CDADC1: variants seen among roughly 807,000 people sequenced by gnomAD.
The protein encoded by CDADC1 is dCTP deaminase.
Under a neutral mutation model 54.9 loss-of-function variants are expected in CDADC1, and 39 were observed. The ratio of observed to expected loss-of-function variants is 0.71; its 90% CI spans 0.55 to 0.93. The LOEUF is 0.93. CDADC1 is among the 40% of genes least tolerant of loss of function. CDADC1 has a pLI of 0.00. For synonymous variants in CDADC1, 186 were observed against 204.0 expected (o/e 0.91, Z 0.75); for missense variants, 518 against 618.8 (o/e 0.84, Z 1.73).
chr13:49,265,007 C>T (rs1355965702), intron 4 of CDADC1, among the ~76,000 whole-genome samples: 1 of 152,126 alleles, frequency 6.6e-6, no homozygotes, highest in African/African-American at 2.4e-5. Flanking sequence ...ATTCTAGAGC[C>T]TGTGCTATAT....
At chr13:49,268,154 A>G in intron 5 of CDADC1, 95 bp downstream of exon 5, 1 of 988,736 alleles carries the variant, frequency 1.0e-6, no homozygotes, top group Non-Finnish European at 1.5e-6. Context: ...ATTTACTCAT[A>G]GTTACTTAAG....
At chr13:49,289,713 A>G (rs1201695207) in intron 9 of CDADC1, among the ~76,000 whole-genome samples, 7 of 152,170 alleles carry the variant, frequency 4.6e-5, no homozygotes, top group African/African-American at 1.7e-4. Flanking sequence ...TTATGATACC[A>G]TTTCTGTATA....
chr13:49,248,031 G>C lies in CDADC1; in HGVS notation c.-7G>C. 1 of 1,552,406 alleles carries C rather than the reference G, an allele frequency of 6.4e-7. No individual in the cohort carries two copies. The highest frequency in any genetic ancestry group is 8.7e-7 in the Non-Finnish European group (1 of 1,147,432). On this transcript the variant is annotated 5_prime_UTR_variant, in exon 1 of 10. Coordinates refer to ENST00000251108, the MANE Select transcript of CDADC1 (RefSeq NM_030911.4). ...TTTCCTTGGCAGCAGAGGACGCTAG[G>C]TTTGGGATGAAAGAAGCTGGGCAGA...
intron 2 of CDADC1, among the ~76,000 whole-genome samples, chr13:49,250,534 C>T (rs1034462298): frequency 3.9e-5 from 6 of 152,074 alleles, no homozygotes; most frequent in Non-Finnish European, 8.8e-5. Flanking sequence ...TTTGCCCAAG[C>T]CAAGGAACTC....
At chr13:49,267,175 A>C (rs1952835151) in intron 4 of CDADC1, among the ~76,000 whole-genome samples, 1 of 152,150 alleles carries the variant, frequency 6.6e-6, no homozygotes, top group Admixed American at 6.6e-5. Flanking sequence ...TGTTTCAATA[A>C]AGGTTTATTT....
At chr13:49,286,101 A>G in intron 8 of CDADC1, 121 bp from the exon 9 acceptor site, 2 of 775,648 alleles carry the variant, frequency 2.6e-6, no homozygotes, top group East Asian at 5.3e-5. Flanking sequence ...GGTGTGACCC[A>G]CTATGCCCAG....
intron 6 of CDADC1, 128 bp downstream of exon 6, chr13:49,274,468 C>G (rs1953048226): frequency 8.6e-6 from 5 of 583,548 alleles, no homozygotes; most frequent in African/African-American, 3.8e-5. Context: ...TTGAGACCAT[C>G]CTGGCTAACA....
intron 3 of CDADC1, among the ~76,000 whole-genome samples, chr13:49,258,531 A>G (rs1952601816): frequency 6.6e-6 from 1 of 152,236 alleles, no homozygotes; most frequent in Non-Finnish European, 1.5e-5. Context: ...ATAGTAACAC[A>G]AAACCTTCAC....
At position 49,292,969 on chromosome 13, in the gene CDADC1, C is replaced by A; in HGVS notation, c.*1212C>A. On this transcript the variant is annotated 3_prime_UTR_variant, in exon 10 of 10. Transcript: ENST00000251108. ...TCCATGCCAGGGCTGTGACTGCAGC[C>A]TGTGTAGGACCATGGGGAGTTCAGA... is the stretch of plus-strand genomic sequence containing the variant. 2 of 347,368 alleles carry A rather than the reference C, an allele frequency of 5.8e-6. No homozygotes were observed. Among genetic ancestry groups the A allele is most frequent in the Non-Finnish European group, 1.1e-5 (2 of 185,232 alleles). The allele number at this position is 347,368 out of a possible 1,614,324, so 21.5% of individuals were successfully genotyped here.
Position 49,292,721 on chromosome 13 carries a change from G to T in CDADC1, c.*964G>T. 7.9e-7 allele frequency: 1 copy of T among 1,268,084 alleles called. No individual in the cohort carries two copies. Among genetic ancestry groups the T allele is most frequent in the Non-Finnish European group, 1.0e-6 (1 of 979,992 alleles). The allele number at this position is 1,268,084 out of a possible 1,614,324, so 78.6% of individuals were successfully genotyped here. ...GTGATTTCTCACATTTTTATTTGCT[G>T]AGAAACATTCAGAAAATTATTCCAA... is the stretch of plus-strand genomic sequence containing the variant. On this transcript the variant is annotated 3_prime_UTR_variant, in exon 10 of 10. Transcript: ENST00000251108.
intron 4 of CDADC1, among the ~76,000 whole-genome samples, chr13:49,259,758 G>A (rs1952629461): frequency 6.6e-6 from 1 of 151,866 alleles, no homozygotes; most frequent in African/African-American, 2.4e-5. Flanking sequence ...GAGGTGGGAG[G>A]ATTGCTTGAG....
At chr13:49,276,312 A>G (rs1953132106) in intron 6 of CDADC1, among the ~76,000 whole-genome samples, 1 of 152,180 alleles carries the variant, frequency 6.6e-6, no homozygotes, top group African/African-American at 2.4e-5. Context: ...TCAGATTTGC[A>G]TTATAAATAG....
intron 6 of CDADC1, among the ~76,000 whole-genome samples, chr13:49,275,726 T>G (rs9568175): frequency 0.015 from 264 of 17,906 alleles, no homozygotes; most frequent in African/African-American, 0.02. Context: ...TATATATATA[T>G]AGAGAGAGAG....
rs145307260 is a variant in CDADC1 at position 49,274,471 on chromosome 13, G to A, written c.1050+131G>A. The A allele has an allele frequency of 1.7e-3, 954 of 550,420 alleles. 6 individuals are homozygous for A. The highest frequency in any genetic ancestry group is 0.016 in the African/African-American group (815 of 51,442). 34.1% of individuals were successfully genotyped at this position (550,420 alleles called of 1,614,324 possible). On this transcript the variant is annotated intron_variant, in intron 6 of 9. Transcript: ENST00000251108. Reference sequence around the variant, plus strand: ...AAGGTCAGGAGATTGAGACCATCCTGGCTAACACAATGAAACCCCATCTCT... The same window carrying A: ...AAGGTCAGGAGATTGAGACCATCCTAGCTAACACAATGAAACCCCATCTCT...
At chr13:49,276,997 A>G (rs757339335) in intron 6 of CDADC1, among the ~76,000 whole-genome samples, 1 of 152,164 alleles carries the variant, frequency 6.6e-6, no homozygotes, top group Non-Finnish European at 1.5e-5. Context: ...GGTGAAATGG[A>G]AAGACACATG....
rs1294782985 is a variant in CDADC1 at position 49,267,608 on chromosome 13, C to T, written c.549C>T (p.Asn183=). 2 of 1,614,146 alleles carry T rather than the reference C, an allele frequency of 1.2e-6. No individual in the cohort carries two copies. Among genetic ancestry groups the T allele is most frequent in the East Asian group, 2.2e-5 (1 of 44,882 alleles). ...AAGCAGTGGAAAGATTGAAGTCAAA[C>T]AGTCGGGCCCATGTGTGTGTCTTAC... ...DAKAVERLKS[N]SRAHVCVLLQ... The change falls in exon 5 of 10, where the codon AAC becomes AAT. Residue 183 remains asparagine (N), a synonymous_variant. Coordinates refer to ENST00000251108, the MANE Select transcript of CDADC1 (RefSeq NM_030911.4).
At chr13:49,259,308 T>C (rs1952616034) in intron 3 of CDADC1, 38 bp from the exon 4 acceptor site, 1 of 1,400,798 alleles carries the variant, frequency 7.1e-7, no homozygotes, top group Non-Finnish European at 9.9e-7. Context: ...TTATTAGGTG[T>C]TATAACTAAT....
intron 2 of CDADC1, among the ~76,000 whole-genome samples, chr13:49,253,529 T>C (rs965023740): frequency 6.6e-6 from 1 of 152,236 alleles, no homozygotes; most frequent in Non-Finnish European, 1.5e-5. Flanking sequence ...TGTATAACTT[T>C]GGGTAACTCT....
intron 5 of CDADC1, among the ~76,000 whole-genome samples, chr13:49,270,908 A>G (rs1483915542): frequency 2.0e-5 from 3 of 152,232 alleles, no homozygotes; most frequent in African/African-American, 2.4e-5. Context: ...TGCGCTTCCA[A>G]TTAAGCTTTT....
Sources: gnomAD v4.1 joint callset for allele counts (sites outside exome capture counted in the v4.1 genomes callset) on GRCh38, gnomAD v4.1.1 for gene constraint, MANE v1.5 for transcripts, NCBI Gene and HGNC (gene_info 2026-07-23, HGNC 2026-07-21) for gene names.